Variants in PDPN observed in about 807,000 individuals in gnomAD.
The protein encoded by PDPN is PA2.26 antigen.
PDPN carries 12 observed loss-of-function variants against 23.2 expected under a neutral mutation model. That is an observed-to-expected ratio of 0.52 (90% CI 0.33 to 0.84). The LOEUF is 0.84. Among genes scored for constraint, PDPN ranks in the 40% least tolerant of loss-of-function variants. The pLI, the probability that PDPN is intolerant of heterozygous loss-of-function variation, is 0.02. For missense variants in PDPN, 199 were observed against 212.2 expected (o/e 0.94, Z 0.39); for synonymous variants, 77 against 76.7 (o/e 1.00, Z -0.02).
At chr1:13,585,721 G>T (rs989015401) in intron 1 of PDPN, 3 of 1,141,158 alleles carry the variant, frequency 2.6e-6, no homozygotes, top group Admixed American at 3.8e-5. Flanking sequence ...AGTGGTATGC[G>T]GGGCTGGCTG....
At position 13,583,942 on chromosome 1, in the gene PDPN, G is replaced by C. The variant is rs1185605123; in HGVS notation, c.-92G>C. 1 of 1,613,588 alleles carries C rather than the reference G, an allele frequency of 6.2e-7. No individual in the cohort carries two copies. The highest frequency in any genetic ancestry group is 2.2e-5 in the East Asian group (1 of 44,900). On this transcript the variant is annotated 5_prime_UTR_variant, in exon 1 of 6. Transcript: ENST00000621990. ...GCCCCCCCACCGTCGCGCTCCTCCAGGCTGGGCCTGTGGCCGCGGTGCTTT... is the reference window on the plus strand; with the variant it reads ...GCCCCCCCACCGTCGCGCTCCTCCACGCTGGGCCTGTGGCCGCGGTGCTTT...
chr1:13,586,551 C>T (rs1640183709), intron 1 of PDPN, among the ~76,000 whole-genome samples: 1 of 152,124 alleles, frequency 6.6e-6, no homozygotes, highest in African/African-American at 2.4e-5. Context: ...GGACCTCAAG[C>T]CTTGGCAAGA....
intron 1 of PDPN, among the ~76,000 whole-genome samples, chr1:13,590,053 C>T (rs769216792): frequency 1.2e-4 from 19 of 152,228 alleles, no homozygotes; most frequent in Non-Finnish European, 1.8e-4. Context: ...TTCTTGAACT[C>T]CTGACCTCAA....
chr1:13,600,681 G>C (rs546963398), intron 1 of PDPN, among the ~76,000 whole-genome samples: 96 of 152,234 alleles, frequency 6.3e-4, no homozygotes, highest in African/African-American at 2.3e-3. Flanking sequence ...CTTAACTTCC[G>C]ACCTTGTTAA....
chr1:13,592,100 A>G (rs1640362480), intron 1 of PDPN, among the ~76,000 whole-genome samples: 1 of 152,224 alleles, frequency 6.6e-6, no homozygotes, highest in Non-Finnish European at 1.5e-5. Context: ...TTCTTCGCCA[A>G]TTGTGTATCT....
At chr1:13,606,562 G>A (rs1050971823) in intron 1 of PDPN, among the ~76,000 whole-genome samples, 2 of 152,122 alleles carry the variant, frequency 1.3e-5, no homozygotes, top group Non-Finnish European at 2.9e-5. Context: ...CCGCTACTTT[G>A]GAGACTGAGA....
intron 5 of PDPN, 146 bp from the exon 6 acceptor site, chr1:13,615,756 TGGA>T (rs1305688385): frequency 6.4e-6 from 5 of 784,746 alleles, no homozygotes; most frequent in Non-Finnish European, 8.8e-6. Context: ...GACGAAGGCA[TGGA>T]GGAGGAATGT....
chr1:13,586,508 G>C (rs1358735334), intron 1 of PDPN, among the ~76,000 whole-genome samples: 1 of 152,136 alleles, frequency 6.6e-6, no homozygotes, highest in Non-Finnish European at 1.5e-5. Flanking sequence ...AAAATGAGCA[G>C]CACGCGAGTG....
intron 1 of PDPN, chr1:13,585,389 C>T: frequency 6.0e-6 from 5 of 829,406 alleles, no homozygotes; most frequent in Non-Finnish European, 8.2e-6. Context: ...GTGGGTTATT[C>T]GTAGCAGTCC....
At chr1:13,598,667 C>A (rs1054394534) in intron 1 of PDPN, among the ~76,000 whole-genome samples, 1 of 152,128 alleles carries the variant, frequency 6.6e-6, no homozygotes, top group Admixed American at 6.6e-5. Flanking sequence ...CTCTCAGCCC[C>A]ATCTCTGTCC....
In PDPN at chr1:13,610,425, C is replaced by A. The variant is rs145319958; in HGVS notation, c.240C>A (p.Ile80=). Residue 80 remains isoleucine, a synonymous_variant, in exon 3 of 6, where the codon ATC becomes ATA. Transcript: ENST00000621990. ...TSVNSVTGIR[I]EDLPTSESTV... is the part of the protein sequence containing the mutation. ...TCAACAGTGTAACAGGCATTCGCAT[C>A]GAGGATCTGCCAACTTCAGAAAGCA... 61 of 1,613,630 alleles carry A rather than the reference C, an allele frequency of 3.8e-5. No homozygotes were observed. Among genetic ancestry groups the A allele is most frequent in the Middle Eastern group, 1.6e-4 (1 of 6,080 alleles).
chr1:13,591,108 A>T (rs1640331932), intron 1 of PDPN, among the ~76,000 whole-genome samples: 1 of 151,892 alleles, frequency 6.6e-6, no homozygotes, highest in Non-Finnish European at 1.5e-5. Context: ...CGCCTGGCTA[A>T]TCTTTGTATT....
intron 2 of PDPN, 38 bp downstream of exon 2, chr1:13,607,344 C>T: frequency 6.4e-7 from 1 of 1,558,012 alleles, no homozygotes; most frequent in Non-Finnish European, 8.8e-7. Context: ...TTTCCGTAGG[C>T]ATGTGATCAC....
At chr1:13,596,278 A>T (rs1471720353) in intron 1 of PDPN, among the ~76,000 whole-genome samples, 1 of 152,076 alleles carries the variant, frequency 6.6e-6, no homozygotes, top group East Asian at 1.9e-4. Context: ...CTAAATACCT[A>T]CCATGGTGCC....
intron 1 of PDPN, among the ~76,000 whole-genome samples, chr1:13,601,870 A>G (rs1279996214): frequency 6.6e-6 from 1 of 152,270 alleles, no homozygotes; most frequent in East Asian, 1.9e-4. Flanking sequence ...GATCTTGAGG[A>G]AGAGTTTGTG....
Position 13,614,424 on chromosome 1 carries a change from C to G in PDPN, c.482+13C>G. The G allele has an allele frequency of 7.8e-7, 1 of 1,276,874 alleles. No homozygotes were observed. Among genetic ancestry groups the G allele is most frequent in the Middle Eastern group, 1.9e-4 (1 of 5,376 alleles). The allele number at this position is 1,276,874 out of a possible 1,614,324, so 79.1% of individuals were successfully genotyped here. Reference sequence around the variant, plus strand: ...CGGGAAGGTACTCGTAAGTAAATAGCTTACACCCATGTGATAGGCAAATGA... The same window carrying G: ...CGGGAAGGTACTCGTAAGTAAATAGGTTACACCCATGTGATAGGCAAATGA... On this transcript the variant is annotated intron_variant, in intron 5 of 5. Coordinates refer to ENST00000621990, the MANE Select transcript of PDPN (RefSeq NM_006474.5).
chr1:13,593,377 C>T (rs568396307), intron 1 of PDPN, among the ~76,000 whole-genome samples: 2 of 152,204 alleles, frequency 1.3e-5, no homozygotes, highest in East Asian at 3.9e-4. Flanking sequence ...AAAAGAGTGC[C>T]AGAGCTAAGC....
chr1:13,603,037 AAT>A, intron 1 of PDPN, among the ~76,000 whole-genome samples: 1 of 150,696 alleles, frequency 6.6e-6, no homozygotes, highest in Non-Finnish European at 1.5e-5. Context: ...TATATATAAA[AAT>A]AAAATGAGAT....
chr1:13,590,963 A>C (rs1640326996), intron 1 of PDPN, among the ~76,000 whole-genome samples: 1 of 151,832 alleles, frequency 6.6e-6, no homozygotes, highest in Non-Finnish European at 1.5e-5. Flanking sequence ...TTTTTTTCAG[A>C]TGGAGTCTCG....
Sources: allele counts gnomAD v4.1 joint callset (sites outside exome capture counted in the v4.1 genomes callset), GRCh38; gene constraint gnomAD v4.1.1; transcripts MANE v1.5; gene names NCBI Gene and HGNC (gene_info 2026-07-23, HGNC 2026-07-21).